The following PSMD1 variants were observed in gnomAD, a reference collection of about 807,000 sequenced individuals.
PSMD1 encodes the protein 26S proteasome non-ATPase regulatory subunit 1.
In PSMD1, 18 loss-of-function variants were observed where a neutral mutation model predicts 119.0. The ratio of observed to expected loss-of-function variants is 0.15; its 90% CI spans 0.10 to 0.22. The LOEUF (loss-of-function observed/expected upper bound fraction) is 0.22. Ranked by LOEUF, PSMD1 falls within the 10% of genes least tolerant of loss-of-function variation. The pLI is 1.00. For missense variants in PSMD1, 702 were observed against 1,158.5 expected (o/e 0.61, Z 5.72); for synonymous variants, 374 against 396.6 (o/e 0.94, Z 0.68).
At chr2:231,072,124 C>A in intron 6 of PSMD1, 65 bp from the exon 7 acceptor site, 2 of 1,335,330 alleles carry the variant, frequency 1.5e-6, no homozygotes, top group Non-Finnish European at 1.1e-6. Flanking sequence ...TTGATTTTGT[C>A]TCCTTAAGTA....
At chr2:231,139,052 T>C in intron 17 of PSMD1, 1 of 648,498 alleles carries the variant, frequency 1.5e-6, no homozygotes, top group South Asian at 1.6e-5. Context: ...TCACATTACA[T>C]GGATAGCTGT....
intron 7 of PSMD1, among the ~76,000 whole-genome samples, chr2:231,074,997 T>C (rs1307003602): frequency 6.6e-6 from 1 of 152,174 alleles, no homozygotes; most frequent in East Asian, 1.9e-4. Flanking sequence ...CCTAGTTCAT[T>C]ATTTAAATTT....
Position 231,083,687 on chromosome 2 carries a change from C to T in PSMD1, c.1646C>T (p.Ala549Val). 1 of 1,614,166 alleles carries T rather than the reference C, an allele frequency of 6.2e-7. No homozygotes were observed. Among genetic ancestry groups the T allele is most frequent in the South Asian group, 1.1e-5 (1 of 91,076 alleles). The change falls in exon 14 of 25, where the codon GCA (alanine) becomes GTA (valine). Residue 549 changes from alanine to valine, a missense_variant. Transcript: ENST00000308696. ...CATGAGAAGATTCTGCGTGGTCTTG[C>T]AGTTGGCATAGCTTTAGTAATGTAT... ...TQHEKILRGL[A>V]VGIALVMYGR...
At chr2:231,119,937 T>A (rs1325478294) in intron 16 of PSMD1, among the ~76,000 whole-genome samples, 1 of 148,670 alleles carries the variant, frequency 6.7e-6, no homozygotes, top group East Asian at 2.0e-4. Flanking sequence ...AGATGCCATA[T>A]CTTCCCGTGT....
At chr2:231,165,308 T>G (rs1045631841) in intron 22 of PSMD1, 22 bp downstream of exon 22, 11 of 1,571,272 alleles carry the variant, frequency 7.0e-6, no homozygotes, top group Non-Finnish European at 9.5e-6. Flanking sequence ...TTGGTGGTCA[T>G]ATGGATTGAA....
At chr2:231,109,151 TC>T in intron 16 of PSMD1, 1 of 1,614,144 alleles carries the variant, frequency 6.2e-7, no homozygotes. Context: ...AGGTGTTTCA[TC>T]CCTTTGGAAA....
At chr2:231,152,620 A>G (rs1696398114) in intron 18 of PSMD1, among the ~76,000 whole-genome samples, 1 of 152,196 alleles carries the variant, frequency 6.6e-6, no homozygotes, top group African/African-American at 2.4e-5. Context: ...CCAGACCAAG[A>G]CAAATGAAAA....
chr2:231,136,592 C>T (rs146043339), intron 16 of PSMD1, among the ~76,000 whole-genome samples: 145 of 152,262 alleles, frequency 9.5e-4, no homozygotes, highest in Non-Finnish European at 1.4e-3. Flanking sequence ...AAATAAAATG[C>T]AAATTGCTAA....
chr2:231,146,220 G>GT lies in PSMD1; in HGVS notation c.1999-13dup, dbSNP rs757783504. On this transcript the variant is annotated intron_variant, in intron 17 of 24. Coordinates refer to ENST00000308696, the MANE Select transcript of PSMD1 (RefSeq NM_002807.4). ...TATCAACTTTATTTAAAAGTTGTGT[G>GT]TTTTTTTAAATTCTTTCAGGAAGCC... 2.9e-4 allele frequency: 445 copies of GT among 1,530,202 alleles called. 3 individuals carry two copies. Among genetic ancestry groups the GT allele is most frequent in the Non-Finnish European group, 3.3e-5 (37 of 1,107,810 alleles). The allele number at this position is 1,530,202 out of a possible 1,614,324, so 94.8% of individuals were successfully genotyped here. A position where few individuals can be genotyped will look rare whatever the true frequency, so the allele number is the denominator to read the frequency against.
intron 16 of PSMD1, among the ~76,000 whole-genome samples, chr2:231,095,851 C>T (rs971374438): frequency 5.9e-5 from 9 of 152,184 alleles, no homozygotes; most frequent in African/African-American, 2.2e-4. Flanking sequence ...TTTGCCAGAC[C>T]TTTTGGGAAT....
At chr2:231,104,130 A>T (rs958757313) in intron 16 of PSMD1, among the ~76,000 whole-genome samples, 4 of 152,144 alleles carry the variant, frequency 2.6e-5, no homozygotes, top group Non-Finnish European at 5.9e-5. Flanking sequence ...CAGTGACTTT[A>T]TATTTTATAA....
At chr2:231,108,922 TAA>T in intron 16 of PSMD1, 1 of 1,614,078 alleles carries the variant, frequency 6.2e-7, no homozygotes, top group Non-Finnish European at 8.5e-7. Context: ...CACATAAAAC[TAA>T]AGTTATATTT....
chr2:231,077,049 G>T lies in PSMD1; in HGVS notation c.958G>T (p.Asp320Tyr). The change falls in exon 9 of 25, where the codon GAC becomes TAC. Residue 320 changes from aspartate (D) to tyrosine (Y), a missense_variant. By Grantham distance (160) the Asp-to-Tyr change is radical (BLOSUM62 -3). Coordinates refer to ENST00000308696, the MANE Select transcript of PSMD1 (RefSeq NM_002807.4). ...GTTTTGGCAGAGTCCAGAGCCTAAG[G>T]ACCAGACTTTGAAAATGATTAAAAT... ...KTPEASPEPK[D>Y]QTLKMIKILS... is the part of the protein sequence containing the mutation. 1.2e-6 allele frequency: 2 copies of T among 1,603,986 alleles called. No homozygotes were observed. Among genetic ancestry groups the T allele is most frequent in the Non-Finnish European group, 1.7e-6 (2 of 1,176,748 alleles).
chr2:231,070,546 G>T (rs1434681927), intron 6 of PSMD1, among the ~76,000 whole-genome samples: 1 of 151,754 alleles, frequency 6.6e-6, no homozygotes, highest in Non-Finnish European at 1.5e-5. Context: ...AATTATATAT[G>T]GTTTCATTAC....
In PSMD1 at chr2:231,163,670, A is replaced by C; in HGVS notation, c.2424A>C (p.Pro808=). Residue 808 remains proline, a synonymous_variant, in exon 21 of 25, where the codon CCA becomes CCC. Transcript: ENST00000308696. ...PKVQYKSNCK[P]STFAYPAPLE... ...TTCAGTATAAATCGAACTGTAAACC[A>C]TCCACATTTGCATATCCTGCCCCTC... is the stretch of plus-strand genomic sequence containing the variant. The C allele has an allele frequency of 1.2e-6, 2 of 1,613,386 alleles. No individual in the cohort carries two copies. The highest frequency in any genetic ancestry group is 2.2e-5 in the South Asian group (2 of 91,056).
At chr2:231,130,837 T>C (rs1408126215) in intron 16 of PSMD1, among the ~76,000 whole-genome samples, 9 of 152,210 alleles carry the variant, frequency 5.9e-5, no homozygotes, top group African/African-American at 2.2e-4. Context: ...TTAAATACTT[T>C]GTTATAAATG....
chr2:231,093,864 C>T (rs1376490110), intron 16 of PSMD1, among the ~76,000 whole-genome samples: 1 of 151,820 alleles, frequency 6.6e-6, no homozygotes, highest in East Asian at 1.9e-4. Context: ...GGATGTTCCA[C>T]GTGTGACAAA....
intron 17 of PSMD1, among the ~76,000 whole-genome samples, chr2:231,141,910 TCTCA>T (rs1409655720): frequency 6.6e-6 from 1 of 151,582 alleles, no homozygotes; most frequent in Non-Finnish European, 1.5e-5. Flanking sequence ...TGAGATGGAG[TCTCA>T]CTCTGTCACC....
chr2:231,167,883 T>C (rs916148703), intron 23 of PSMD1, among the ~76,000 whole-genome samples: 70 of 152,204 alleles, frequency 4.6e-4, no homozygotes, highest in African/African-American at 1.5e-3. Flanking sequence ...AATAAGCACA[T>C]GAAAAGATGC....
Sources: allele counts gnomAD v4.1 joint callset (sites outside exome capture counted in the v4.1 genomes callset), GRCh38; gene constraint gnomAD v4.1.1; transcripts MANE v1.5; gene names NCBI Gene and HGNC (gene_info 2026-07-23, HGNC 2026-07-21).